The following FGD4 variants were observed in gnomAD, a reference collection of about 807,000 sequenced individuals.
FGD4 encodes the protein FYVE, RhoGEF and PH domain-containing protein 4.
FGD4 carries 42 observed loss-of-function variants against 102.0 expected under a neutral mutation model. That is an observed-to-expected ratio of 0.41 (90% CI 0.32 to 0.53). FGD4 has a LOEUF of 0.53. Among genes scored for constraint, FGD4 ranks in the 20% least tolerant of loss-of-function variants. FGD4 has a pLI of 0.21. For synonymous variants in FGD4, 380 were observed against 375.7 expected, an observed-to-expected ratio of 1.01 and a Z score of -0.13; for missense variants, 902 against 1,078.2, an observed-to-expected ratio of 0.84 and a Z score of 2.29.
chr12:32,642,161 AG>A lies in FGD4; in HGVS notation c.*1630del, dbSNP rs1168539062. On this transcript the variant is annotated 3_prime_UTR_variant, in exon 17 of 17. Transcript: ENST00000534526. ...ATAATAGGTTCCCTTCCTCCATAAAAGGATTATCAGCCATGATCATTAACAT... is the reference window on the plus strand; with the variant it reads ...ATAATAGGTTCCCTTCCTCCATAAAAGATTATCAGCCATGATCATTAACAT... 6.6e-6 allele frequency: 1 copy of A among 152,132 alleles called. No individual in the cohort carries two copies. Among genetic ancestry groups the A allele is most frequent in the East Asian group, 1.9e-4 (1 of 5,200 alleles). The allele number at this position is 152,132 out of a possible 1,614,324, so 9.4% of individuals were successfully genotyped here.
intron 1 of FGD4, among the ~76,000 whole-genome samples, chr12:32,475,092 T>C (rs1943552079): frequency 6.6e-6 from 1 of 152,216 alleles, no homozygotes; most frequent in Non-Finnish European, 1.5e-5. Context: ...GCTCGATCTA[T>C]ATCCTTGTTG....
At position 32,640,436 on chromosome 12, in the gene FGD4, T is replaced by C; in HGVS notation, c.2615T>C (p.Ile872Thr). 1 of 1,614,060 alleles carries C rather than the reference T, an allele frequency of 6.2e-7. No individual in the cohort carries two copies. Among genetic ancestry groups the C allele is most frequent in the South Asian group, 1.1e-5 (1 of 91,076 alleles). ...CTGAAGCAGAAGTGGCTGAAAGTCATCCTTTTAGCTGTCACAGGTGAGACA... is the reference window on the plus strand; with the variant it reads ...CTGAAGCAGAAGTGGCTGAAAGTCACCCTTTTAGCTGTCACAGGTGAGACA... ...EELKQKWLKVILLAVTGETPG... is the reference protein window; with the variant it reads ...EELKQKWLKVTLLAVTGETPG... The change falls in exon 17 of 17, where the codon ATC becomes ACC. Residue 872 changes from isoleucine to threonine, a missense_variant. Transcript: ENST00000534526.
At chr12:32,616,808 TTAATG>T (rs1430260681) in intron 10 of FGD4, among the ~76,000 whole-genome samples, 7 of 152,264 alleles carry the variant, frequency 4.6e-5, no homozygotes, top group Non-Finnish European at 1.0e-4. Context: ...AGGATGCTGT[TTAATG>T]TAAGCCATTT....
At chr12:32,449,546 G>A (rs1942710956) in intron 1 of FGD4, among the ~76,000 whole-genome samples, 1 of 152,174 alleles carries the variant, frequency 6.6e-6, no homozygotes, top group Non-Finnish European at 1.5e-5. Context: ...TGATGGGACT[G>A]TCATAGAACT....
At chr12:32,484,794 C>T (rs1943847634) in intron 1 of FGD4, among the ~76,000 whole-genome samples, 1 of 152,040 alleles carries the variant, frequency 6.6e-6, no homozygotes, top group African/African-American at 2.4e-5. Flanking sequence ...ATAGCTTGAA[C>T]CTGGGAGGCA....
chr12:32,473,080 A>G, intron 1 of FGD4, among the ~76,000 whole-genome samples: 1 of 151,504 alleles, frequency 6.6e-6, no homozygotes, highest in Non-Finnish European at 1.5e-5. Flanking sequence ...CTCTGTATCT[A>G]ACTAATCTGT....
intron 1 of FGD4, chr12:32,502,152 G>A (rs892378813): frequency 5.1e-6 from 5 of 985,354 alleles, no homozygotes; most frequent in Non-Finnish European, 6.0e-6. Flanking sequence ...ACTCCCCACC[G>A]GAATGTGATT....
intron 1 of FGD4, among the ~76,000 whole-genome samples, chr12:32,403,942 T>C (rs1940809210): frequency 6.6e-6 from 1 of 152,052 alleles, no homozygotes; most frequent in South Asian, 2.1e-4. Flanking sequence ...AGGTTCAGCT[T>C]TTTCCTATTG....
chr12:32,599,878 A>C (rs1032774878), intron 5 of FGD4, among the ~76,000 whole-genome samples: 1 of 150,244 alleles, frequency 6.7e-6, no homozygotes, highest in African/African-American at 2.5e-5. Context: ...TTTCAGCAAT[A>C]AAGAATAGGA....
In FGD4 at chr12:32,610,769, C is replaced by T; in HGVS notation, c.1544-7C>T. 4 of 1,610,736 alleles carry T rather than the reference C, an allele frequency of 2.5e-6. No homozygotes were observed. Among genetic ancestry groups the T allele is most frequent in the Non-Finnish European group, 3.4e-6 (4 of 1,178,046 alleles). ...TATTTATTTACTTTTCTTTTTTTCC[C>T]ATTTAGAATCACTTGAAATTATATC... On this transcript the variant is annotated splice_polypyrimidine_tract_variant and splice_region_variant and intron_variant, in intron 8 of 16. Coordinates refer to ENST00000534526, the MANE Select transcript of FGD4 (RefSeq NM_001370298.3).
chr12:32,422,519 C>T (rs1941678063), intron 1 of FGD4, among the ~76,000 whole-genome samples: 2 of 151,220 alleles, frequency 1.3e-5, no homozygotes, highest in South Asian at 2.1e-4. Context: ...AGGATGGTCT[C>T]GATCTCCTGA....
At chr12:32,593,649 C>T (rs1385842881) in intron 4 of FGD4, among the ~76,000 whole-genome samples, 1 of 152,178 alleles carries the variant, frequency 6.6e-6, no homozygotes, top group East Asian at 1.9e-4. Context: ...TGTGGAGGAC[C>T]TCAGGGGTGA....
At chr12:32,509,118 A>G (rs1939093116) in intron 1 of FGD4, among the ~76,000 whole-genome samples, 1 of 152,230 alleles carries the variant, frequency 6.6e-6, no homozygotes, top group African/African-American at 2.4e-5. Flanking sequence ...TCCGCATTGA[A>G]AAAATACAAA....
chr12:32,437,954 G>A (rs1331716180), intron 1 of FGD4, among the ~76,000 whole-genome samples: 4 of 152,098 alleles, frequency 2.6e-5, no homozygotes, highest in East Asian at 3.9e-4. Context: ...GTGCAGTGGC[G>A]CAATCTCAGC....
chr12:32,425,563 T>C (rs932385791), intron 1 of FGD4, among the ~76,000 whole-genome samples: 2 of 152,228 alleles, frequency 1.3e-5, no homozygotes, highest in Non-Finnish European at 1.5e-5. Flanking sequence ...GAGTTCTTTT[T>C]TGGTTCCATA....
chr12:32,520,602 AT>A (rs568752374), intron 1 of FGD4, among the ~76,000 whole-genome samples: 1 of 151,414 alleles, frequency 6.6e-6, no homozygotes, highest in African/African-American at 2.4e-5. Context: ...CGCCTGGCTA[AT>A]TTTTTTGTAT....
In FGD4 at chr12:32,619,850, A is replaced by G. The variant is rs1949693797; in HGVS notation, c.1902A>G (p.Arg634=). ...CTTTCCAGGTGTCTGGGAAAGAGAG[A>G]ACACTGGAACTGCAGGCCAGGTAAG... ...PHTFQVSGKE[R]TLELQASSAQ... is the part of the protein sequence containing the mutation. The change falls in exon 11 of 17, where the codon AGA becomes AGG. Residue 634 remains arginine, a synonymous_variant. Transcript: ENST00000534526. The G allele has an allele frequency of 2.5e-6, 4 of 1,613,936 alleles. No individual in the cohort carries two copies. The highest frequency in any genetic ancestry group is 1.1e-5 in the South Asian group (1 of 91,078).
Position 32,399,684 on chromosome 12 carries a change from G to T in FGD4, c.-110G>T. On this transcript the variant is annotated 5_prime_UTR_variant, in exon 1 of 17. Coordinates refer to ENST00000534526, the MANE Select transcript of FGD4 (RefSeq NM_001370298.3). Reference sequence around the variant, plus strand: ...CGCTGAGGAGACGCCGCAGTAGAGGGCGCCCCCGGAGTCGCGCCGAACCTG... The same window carrying T: ...CGCTGAGGAGACGCCGCAGTAGAGGTCGCCCCCGGAGTCGCGCCGAACCTG... 6 of 1,457,888 alleles carry T rather than the reference G, an allele frequency of 4.1e-6. No homozygotes were observed. Among genetic ancestry groups the T allele is most frequent in the Non-Finnish European group, 5.4e-6 (6 of 1,115,242 alleles). 90.3% of individuals were successfully genotyped at this position (1,457,888 alleles called of 1,614,324 possible).
At chr12:32,432,050 C>CTTT (rs1565736625) in intron 1 of FGD4, among the ~76,000 whole-genome samples, 3 of 117,582 alleles carry the variant, frequency 2.6e-5, no homozygotes, top group African/African-American at 1.0e-4. Flanking sequence ...GTAATCCTAG[C>CTTT]ATTTTTTTTT....
Sources: allele counts gnomAD v4.1 joint callset (sites outside exome capture counted in the v4.1 genomes callset), GRCh38; gene constraint gnomAD v4.1.1; transcripts MANE v1.5; gene names NCBI Gene and HGNC (gene_info 2026-07-23, HGNC 2026-07-21).